Variants in NKAIN2 observed in about 807,000 individuals in gnomAD.
NKAIN2 encodes sodium/potassium transporting ATPase interacting 2.
NKAIN2 carries 14 observed loss-of-function variants against 32.6 expected under a neutral mutation model. The ratio of observed to expected loss-of-function variants is 0.43; its 90% CI spans 0.28 to 0.67. The LOEUF (loss-of-function observed/expected upper bound fraction) is 0.67, where lower values mean the gene tolerates loss of function less well. Among genes scored for constraint, NKAIN2 ranks in the 30% least tolerant of loss-of-function variants. The pLI is 0.17. For missense variants in NKAIN2, 198 were observed against 258.3 expected (o/e 0.77, Z 1.60); for synonymous variants, 80 against 87.2 (o/e 0.92, Z 0.46).
At chr6:124,331,969 A>T (rs1797679437) in intron 2 of NKAIN2, among the ~76,000 whole-genome samples, 1 of 152,186 alleles carries the variant, frequency 6.6e-6, no homozygotes, top group Non-Finnish European at 1.5e-5. Flanking sequence ...GCATTGAATC[A>T]TATGTTTAAG....
intron 1 of NKAIN2, among the ~76,000 whole-genome samples, chr6:124,007,528 G>A (rs1780126185): frequency 6.6e-6 from 1 of 152,142 alleles, no homozygotes; most frequent in South Asian, 2.1e-4. Flanking sequence ...CTGCTCACAG[G>A]CTAGTGTTTT....
chr6:124,061,832 A>G lies in NKAIN2; in HGVS notation c.55-221173A>G, dbSNP rs566133944. 3.9e-4 allele frequency among the ~76,000 whole-genome samples: 60 copies of G among 152,246 alleles called. 1 individual carries two copies. Among genetic ancestry groups the G allele is most frequent in the African/African-American group, 1.4e-3 (59 of 41,562 alleles). On this transcript the variant is annotated intron_variant, in intron 1 of 6. Transcript: ENST00000368417. ...GCTTTTAAAAAATACTTTTTCACGT[A>G]AGAAAACTTAGAAATGATATCTGTA...
chr6:124,487,745 A>G (rs1186933599), intron 3 of NKAIN2, among the ~76,000 whole-genome samples: 2 of 152,036 alleles, frequency 1.3e-5, no homozygotes, highest in Admixed American at 1.3e-4. Context: ...GAGTTTTGCA[A>G]TATTAGGACT....
At chr6:123,928,068 C>CA (rs1776086627) in intron 1 of NKAIN2, among the ~76,000 whole-genome samples, 2 of 152,050 alleles carry the variant, frequency 1.3e-5, no homozygotes, top group African/African-American at 4.8e-5. Flanking sequence ...TATGCAGCCA[C>CA]AAAAAAGCAC....
chr6:124,506,882 C>T (rs1583354198), intron 3 of NKAIN2, among the ~76,000 whole-genome samples: 1 of 152,166 alleles, frequency 6.6e-6, no homozygotes, highest in African/African-American at 2.4e-5. Flanking sequence ...ATCGCTTAGG[C>T]ATTGTCTGTG....
At chr6:124,148,787 T>C (rs1787558014) in intron 1 of NKAIN2, among the ~76,000 whole-genome samples, 1 of 152,234 alleles carries the variant, frequency 6.6e-6, no homozygotes, top group South Asian at 2.1e-4. Flanking sequence ...ATATTATGTA[T>C]AACTTTTTGC....
intron 3 of NKAIN2, chr6:124,390,939 AAAG>A (rs900328809): frequency 6.6e-6 from 1 of 152,144 alleles, no homozygotes; most frequent in Non-Finnish European, 1.5e-5. Flanking sequence ...GAGAAAAAAA[AAAG>A]AGAAGCATCT....
At chr6:124,445,617 C>T (rs1775856840) in intron 3 of NKAIN2, among the ~76,000 whole-genome samples, 1 of 151,970 alleles carries the variant, frequency 6.6e-6, no homozygotes, top group Non-Finnish European at 1.5e-5. Context: ...CATGTAACAA[C>T]ACTTTGTTTG....
intron 1 of NKAIN2, among the ~76,000 whole-genome samples, chr6:124,183,478 A>G (rs1789555041): frequency 1.3e-5 from 2 of 152,072 alleles, no homozygotes; most frequent in Non-Finnish European, 2.9e-5. Context: ...TGAAAACTTA[A>G]TCCTTGAGTA....
chr6:124,033,669 A>G (rs888792488), intron 1 of NKAIN2, among the ~76,000 whole-genome samples: 3 of 152,148 alleles, frequency 2.0e-5, no homozygotes, highest in Non-Finnish European at 4.4e-5. Flanking sequence ...AGGTCTTTGC[A>G]TTATTAAAAG....
At chr6:124,413,882 A>G (rs772668120) in intron 3 of NKAIN2, among the ~76,000 whole-genome samples, 3 of 152,106 alleles carry the variant, frequency 2.0e-5, no homozygotes, top group Non-Finnish European at 4.4e-5. Context: ...TGACATTGTA[A>G]TTTATGAACA....
rs531337649 is a variant in NKAIN2, at chr6:124,334,450, G to T, written c.193-20817G>T. On this transcript the variant is annotated intron_variant, in intron 2 of 6. Coordinates refer to ENST00000368417, the MANE Select transcript of NKAIN2 (RefSeq NM_001040214.3). ...TCCCTTCGAAAATTTGGAGACTAAG[G>T]TTTCTTAAAGAAAGATAATTTGGTG... is the stretch of plus-strand genomic sequence containing the variant. Among the ~76,000 whole-genome samples the T allele has an allele frequency of 3.9e-5, 6 of 152,136 alleles. No individual in the cohort carries two copies. The East Asian group carries it at 1.2e-3, about 29-fold the overall frequency.
At chr6:124,501,588 A>G (rs1778294167) in intron 3 of NKAIN2, among the ~76,000 whole-genome samples, 1 of 152,132 alleles carries the variant, frequency 6.6e-6, no homozygotes. Flanking sequence ...TCAGTTTTCT[A>G]CACTGCAGTT....
intron 4 of NKAIN2, among the ~76,000 whole-genome samples, chr6:124,724,316 T>C (rs777665825): frequency 1.3e-5 from 2 of 151,812 alleles, no homozygotes; most frequent in Non-Finnish European, 2.9e-5. Flanking sequence ...TTAACCATGG[T>C]AGGTGCCAAG....
chr6:124,626,633 A>G (rs982880757), intron 3 of NKAIN2, among the ~76,000 whole-genome samples: 8 of 152,172 alleles, frequency 5.3e-5, no homozygotes, highest in Admixed American at 5.2e-4. Flanking sequence ...ACTGATATCA[A>G]GACAACTGAA....
At chr6:124,403,186 G>A (rs976545713) in intron 3 of NKAIN2, among the ~76,000 whole-genome samples, 9 of 151,682 alleles carry the variant, frequency 5.9e-5, no homozygotes, top group Middle Eastern at 3.4e-3. Context: ...TCTATTTTCC[G>A]TTTTATAGTC....
chr6:124,693,761 C>A (rs904424245), intron 4 of NKAIN2, among the ~76,000 whole-genome samples: 1 of 152,108 alleles, frequency 6.6e-6, no homozygotes, highest in Non-Finnish European at 1.5e-5. Context: ...CCAGAGGAAG[C>A]CAAAGAGGTT....
At chr6:124,079,258 T>C (rs1258612744) in intron 1 of NKAIN2, among the ~76,000 whole-genome samples, 4 of 151,866 alleles carry the variant, frequency 2.6e-5, no homozygotes, top group African/African-American at 9.7e-5. Flanking sequence ...GCAGAGGTTG[T>C]AGTGACCCGA....
intron 1 of NKAIN2, among the ~76,000 whole-genome samples, chr6:123,899,023 G>A (rs1316061236): frequency 1.3e-5 from 2 of 152,354 alleles, no homozygotes; most frequent in East Asian, 3.9e-4. Context: ...GATGTGCACA[G>A]AGGTGGGTCA....
Sources: gnomAD v4.1 joint callset for allele counts (sites outside exome capture counted in the v4.1 genomes callset) on GRCh38, gnomAD v4.1.1 for gene constraint, MANE v1.5 for transcripts, NCBI Gene and HGNC (gene_info 2026-07-23, HGNC 2026-07-21) for gene names.